Variants in NCALD observed in about 807,000 individuals in gnomAD.
The protein encoded by NCALD is neurocalcin delta, also known as neurocalcin-delta.
NCALD carries 10 observed loss-of-function variants against 18.6 expected under a neutral mutation model. That is an observed-to-expected ratio of 0.54 (90% CI 0.33 to 0.91). The LOEUF is 0.91. Ranked by LOEUF, NCALD falls within the 40% of genes least tolerant of loss-of-function variation. The pLI is 0.03. For synonymous variants in NCALD, 88 were observed against 87.4 expected (o/e 1.01, Z -0.04); for missense variants, 184 against 247.6 (o/e 0.74, Z 1.72).
chr8:101,836,278 C>T (rs1814409694), intron 4 of NCALD, among the ~76,000 whole-genome samples: 1 of 152,100 alleles, frequency 6.6e-6, no homozygotes, highest in South Asian at 2.1e-4. Context: ...TTTGTAAACA[C>T]AAATGAAAAG....
upstream of NCALD, among the ~76,000 whole-genome samples, chr8:101,792,305 G>T (rs1812475894): frequency 6.6e-6 from 1 of 152,166 alleles, no homozygotes; most frequent in African/African-American, 2.4e-5. Flanking sequence ...ATCAGAAATT[G>T]CTTCTTTAAT....
chr8:101,884,609 C>T (rs1240786747), intron 4 of NCALD, among the ~76,000 whole-genome samples: 1 of 152,206 alleles, frequency 6.6e-6, no homozygotes. Flanking sequence ...CACCATTCTC[C>T]TATGTCTGTA....
intron 2 of NCALD, among the ~76,000 whole-genome samples, chr8:101,997,720 G>T (rs114183175): frequency 6.6e-6 from 1 of 152,200 alleles, no homozygotes; most frequent in African/African-American, 2.4e-5. Context: ...TCTGAGCCTC[G>T]CAGCAGAAGT....
rs571044258 is a variant in NCALD at position 101,977,242 on chromosome 8, A to G, written c.-157+42995T>C. Reference sequence around the variant, plus strand: ...CAGAATTTTTTTTTACAGTGAAAAAAAAAAGAAAAATATTGTGGTTATTAC... The same window carrying G: ...CAGAATTTTTTTTTACAGTGAAAAAGAAAAGAAAAATATTGTGGTTATTAC... On this transcript the variant is annotated intron_variant, in intron 2 of 6. Transcript: ENST00000311028. Among the ~76,000 whole-genome samples, 17 of 152,162 alleles carry G rather than the reference A, an allele frequency of 1.1e-4. No homozygotes were observed. The South Asian group carries it at 3.5e-3, about 32-fold the overall frequency.
At chr8:102,056,541 G>T (rs1409090113) in intron 1 of NCALD, among the ~76,000 whole-genome samples, 1 of 152,214 alleles carries the variant, frequency 6.6e-6, no homozygotes, top group African/African-American at 2.4e-5. Context: ...ACCATCCAGA[G>T]TCTCTCCATG....
At chr8:101,740,592 T>C (rs1336479388) in intron 1 of NCALD, among the ~76,000 whole-genome samples, 3 of 152,210 alleles carry the variant, frequency 2.0e-5, no homozygotes, top group African/African-American at 7.2e-5. Context: ...TGTTTAGCTA[T>C]TTACTATCTG....
At chr8:102,079,157 G>T (rs7812418) in intron 1 of NCALD, among the ~76,000 whole-genome samples, 1 of 152,058 alleles carries the variant, frequency 6.6e-6, no homozygotes, top group African/African-American at 2.4e-5. Flanking sequence ...TTGGGAGTTC[G>T]CTGTGTCCTT....
intron 2 of NCALD, among the ~76,000 whole-genome samples, chr8:101,930,912 T>C (rs1159104818): frequency 6.6e-6 from 1 of 152,182 alleles, no homozygotes; most frequent in Non-Finnish European, 1.5e-5. Flanking sequence ...GTGGCATTGC[T>C]AGTCTGTGAG....
chr8:101,941,823 A>G (rs1325025112), intron 2 of NCALD, among the ~76,000 whole-genome samples: 5 of 152,256 alleles, frequency 3.3e-5, no homozygotes, highest in Admixed American at 2.6e-4. Flanking sequence ...AGTCATTAAT[A>G]TCTCACAAGC....
chr8:102,116,104 G>A (rs1244322756), intron 1 of NCALD, among the ~76,000 whole-genome samples: 1 of 147,352 alleles, frequency 6.8e-6, no homozygotes, highest in African/African-American at 2.5e-5. Context: ...ACCGGGGCCT[G>A]TCGTAGGGTG....
At chr8:101,758,037 G>A (rs1420873390) in intron 1 of NCALD, among the ~76,000 whole-genome samples, 1 of 152,042 alleles carries the variant, frequency 6.6e-6, no homozygotes, top group African/African-American at 2.4e-5. Flanking sequence ...CATTCCTCCT[G>A]CATCAGCCTC....
rs546629123 is a variant in NCALD, at chr8:101,943,712, G to T, written c.-156-27854C>A. Among the ~76,000 whole-genome samples the T allele has an allele frequency of 2.0e-5, 3 of 151,830 alleles. No individual in the cohort carries two copies. In the South Asian group the frequency reaches 6.2e-4, roughly 32 times the overall value. On this transcript the variant is annotated intron_variant, in intron 2 of 6. Coordinates refer to the NCALD transcript ENST00000311028. ...TCCCAGCACTTTGGGAGGCCGAGGC[G>T]GGCGGATCGCAAGGTCAGGAGATCG... is the stretch of plus-strand genomic sequence containing the variant.
chr8:102,072,644 T>C (rs980161235), intron 1 of NCALD, among the ~76,000 whole-genome samples: 1 of 152,144 alleles, frequency 6.6e-6, no homozygotes, highest in Admixed American at 6.5e-5. Flanking sequence ...TAATAGGCTT[T>C]ATGCACTTTG....
At chr8:101,713,519 T>C (rs1417035721) in intron 2 of NCALD, among the ~76,000 whole-genome samples, 1 of 149,756 alleles carries the variant, frequency 6.7e-6, no homozygotes, top group Non-Finnish European at 1.5e-5. Flanking sequence ...ATTAACAAAA[T>C]AGATAGACCA....
At chr8:101,802,592 A>G (rs537349574) in intron 4 of NCALD, among the ~76,000 whole-genome samples, 1 of 152,242 alleles carries the variant, frequency 6.6e-6, no homozygotes, top group Non-Finnish European at 1.5e-5. Context: ...AAAAAAAAGC[A>G]AAACAGCTTT....
At chr8:102,041,106 G>A (rs866658327) in intron 1 of NCALD, among the ~76,000 whole-genome samples, 2 of 152,180 alleles carry the variant, frequency 1.3e-5, no homozygotes, top group African/African-American at 4.8e-5. Context: ...ACTGGTAGGA[G>A]AAAATAGCAT....
intron 2 of NCALD, among the ~76,000 whole-genome samples, chr8:101,710,981 C>T (rs1815761598): frequency 6.6e-6 from 1 of 152,200 alleles, no homozygotes; most frequent in Non-Finnish European, 1.5e-5. Flanking sequence ...AGATGCCTCC[C>T]AGCAGGGGTC....
chr8:101,936,870 G>A (rs1818783126), intron 2 of NCALD, among the ~76,000 whole-genome samples: 1 of 152,104 alleles, frequency 6.6e-6, no homozygotes, highest in Non-Finnish European at 1.5e-5. Flanking sequence ...CCTCCTGCAG[G>A]ACCTTGTCTC....
chr8:101,940,954 TGC>T (rs1818934467), intron 2 of NCALD, among the ~76,000 whole-genome samples: 1 of 152,158 alleles, frequency 6.6e-6, no homozygotes, highest in Admixed American at 6.5e-5. Context: ...AAATTAAGAA[TGC>T]TTATTAAAAG....
Sources: gnomAD v4.1 joint callset for allele counts (sites outside exome capture counted in the v4.1 genomes callset) on GRCh38, gnomAD v4.1.1 for gene constraint, MANE v1.5 for transcripts, NCBI Gene and HGNC (gene_info 2026-07-23, HGNC 2026-07-21) for gene names.